Variants in PDK1 observed in about 807,000 individuals in gnomAD.
PDK1 encodes the protein [Pyruvate dehydrogenase (acetyl-transferring)] kinase isozyme 1, mitochondrial.
In PDK1, 39 loss-of-function variants were observed where a neutral mutation model predicts 54.2. The ratio of observed to expected loss-of-function variants is 0.72; its 90% CI spans 0.56 to 0.94. The LOEUF (loss-of-function observed/expected upper bound fraction) is 0.94, where lower values mean the gene tolerates loss of function less well. PDK1 is among the 40% of genes least tolerant of loss of function. The pLI is 0.00. For missense variants in PDK1, 552 were observed against 566.0 expected, an observed-to-expected ratio of 0.98 and a Z score of 0.25; for synonymous variants, 221 against 207.1, an observed-to-expected ratio of 1.07 and a Z score of -0.58.
chr2:172,568,796 C>A lies in PDK1; in HGVS notation c.825C>A (p.His275Gln). The change falls in exon 7 of 11, where the codon CAC becomes CAA. Residue 275 changes from histidine (H) to glutamine (Q), a missense_variant. By Grantham distance (24) the His-to-Gln change is conservative. Coordinates refer to ENST00000282077, the MANE Select transcript of PDK1 (RefSeq NM_002610.5). ...QVVYVPSHLY[H>Q]MVFELFKNAM... is the part of the protein sequence containing the mutation. ...TTTATGTACCATCCCATCTCTATCA[C>A]ATGGTGTTTGAACTTTTCAAGGTTT... 1 of 1,602,642 alleles carries A rather than the reference C, an allele frequency of 6.2e-7. No individual in the cohort carries two copies. Among genetic ancestry groups the A allele is most frequent in the Non-Finnish European group, 8.6e-7 (1 of 1,169,490 alleles).
chr2:172,601,242 G>A lies in PDK1; in HGVS notation c.*5273G>A, dbSNP rs917342864. ...GTAACCAGTGCAAAACTAGCAAAAGGATGAAATACACAAGAAAATGAGAGA... is the reference window on the plus strand; with the variant it reads ...GTAACCAGTGCAAAACTAGCAAAAGAATGAAATACACAAGAAAATGAGAGA... On this transcript the variant is annotated 3_prime_UTR_variant, in exon 11 of 11. Coordinates refer to ENST00000282077, the MANE Select transcript of PDK1 (RefSeq NM_002610.5). 2 of 152,026 alleles carry A rather than the reference G, an allele frequency of 1.3e-5. No homozygotes were observed. The highest frequency in any genetic ancestry group is 2.4e-5 in the African/African-American group (1 of 41,380). The allele number at this position is 152,026 out of a possible 1,614,324, so 9.4% of individuals were successfully genotyped here. A position where few individuals can be genotyped will look rare whatever the true frequency, so the allele number is the denominator to read the frequency against.
chr2:172,584,760 T>A (rs942099311), intron 8 of PDK1, among the ~76,000 whole-genome samples: 2 of 150,226 alleles, frequency 1.3e-5, no homozygotes, highest in Non-Finnish European at 3.0e-5. Flanking sequence ...GCTGAAGTGA[T>A]CCTCCTGCCT....
the PDK1 span, among the ~76,000 whole-genome samples, chr2:172,635,887 T>C: frequency 6.6e-6 from 1 of 152,350 alleles, no homozygotes; most frequent in Middle Eastern, 3.4e-3. Flanking sequence ...GAATTATTCA[T>C]ACTAGCCAAT....
At position 172,592,848 on chromosome 2, in the gene PDK1, C is replaced by T. The variant is rs1053188283; in HGVS notation, c.1057-87C>T. The T allele has an allele frequency of 6.3e-5, 43 of 687,258 alleles. No homozygotes were observed. The East Asian group carries it at 6.8e-4, about 11-fold the overall frequency. The allele number at this position is 687,258 out of a possible 1,614,324, so 42.6% of individuals were successfully genotyped here. On this transcript the variant is annotated intron_variant, in intron 9 of 10. Transcript: ENST00000282077. ...TCTCAGATGCGGGCTCTGATAGCCC[C>T]GTGGTACTCAATGGCATCTATCTTA...
At chr2:172,559,167 T>A (rs1688522062) in intron 2 of PDK1, among the ~76,000 whole-genome samples, 1 of 152,158 alleles carries the variant, frequency 6.6e-6, no homozygotes, top group Non-Finnish European at 1.5e-5. Context: ...CAGGATGATC[T>A]CGGTCTCCTG....
chr2:172,565,752 T>C (rs1688903290), intron 5 of PDK1, among the ~76,000 whole-genome samples: 1 of 152,256 alleles, frequency 6.6e-6, no homozygotes, highest in Non-Finnish European at 1.5e-5. Flanking sequence ...TTGATGTTGG[T>C]CTTACATTGT....
the PDK1 span, among the ~76,000 whole-genome samples, chr2:172,659,661 T>A: frequency 6.6e-6 from 1 of 152,200 alleles, no homozygotes; most frequent in East Asian, 1.9e-4. Flanking sequence ...GAATCAATCG[T>A]GAGGAAAGCA....
chr2:172,668,542 C>G, the PDK1 span, among the ~76,000 whole-genome samples: 1 of 151,380 alleles, frequency 6.6e-6, no homozygotes, highest in Non-Finnish European at 1.5e-5. Flanking sequence ...GGGTATGTGT[C>G]TAAAATGTTA....
At chr2:172,626,081 G>A in the PDK1 span, among the ~76,000 whole-genome samples, 1 of 151,972 alleles carries the variant, frequency 6.6e-6, no homozygotes, top group African/African-American at 2.4e-5. Flanking sequence ...TTCTTTCCTT[G>A]GCTTGGGAGA....
the PDK1 span, among the ~76,000 whole-genome samples, chr2:172,660,179 AGG>A: frequency 0.15 from 21,598 of 146,850 alleles, 1,749 homozygotes; most frequent in South Asian, 0.24. Flanking sequence ...AACAGATTAA[AGG>A]GGATGGTTTG....
chr2:172,718,614 T>C, the PDK1 span, among the ~76,000 whole-genome samples: 189 of 152,314 alleles, frequency 1.2e-3, 1 homozygote, highest in Non-Finnish European at 2.4e-3. Context: ...GCAAACAGAA[T>C]ATGTTGAGTG....
At chr2:172,581,444 AG>A (rs1236095918) in intron 8 of PDK1, among the ~76,000 whole-genome samples, 2 of 152,218 alleles carry the variant, frequency 1.3e-5, no homozygotes, top group Non-Finnish European at 2.9e-5. Flanking sequence ...AGGCTTGTAA[AG>A]GTCTCAAAAA....
At chr2:172,557,610 CGTGTGTGTGTGTGTGT>C (rs55753852) in intron 1 of PDK1, among the ~76,000 whole-genome samples, 13 of 141,938 alleles carry the variant, frequency 9.2e-5, no homozygotes, top group African/African-American at 1.6e-4. Context: ...TCTTTTTTCC[CGTGTGTGTGTGTGTGT>C]GTGTGTGTGT....
rs566405904 is a variant in PDK1 at position 172,582,757 on chromosome 2, C to T, written c.946-3521C>T. On this transcript the variant is annotated intron_variant, in intron 8 of 10. Coordinates refer to ENST00000282077, the MANE Select transcript of PDK1 (RefSeq NM_002610.5). ...ACTGCTCTTTTGGAAACTCTTTTGCCTACTTTAAAATCCACTGGCTCCAGT... is the reference window on the plus strand; with the variant it reads ...ACTGCTCTTTTGGAAACTCTTTTGCTTACTTTAAAATCCACTGGCTCCAGT... 2.6e-5 allele frequency among the ~76,000 whole-genome samples: 4 copies of T among 152,286 alleles called. No homozygotes were observed. The South Asian group carries it at 6.2e-4, about 24-fold the overall frequency.
At chr2:172,705,451 C>G in the PDK1 span, among the ~76,000 whole-genome samples, 1 of 152,220 alleles carries the variant, frequency 6.6e-6, no homozygotes, top group South Asian at 2.1e-4. Context: ...GTGAAACTCT[C>G]TCTATTCTGC....
At chr2:172,658,880 G>T in the PDK1 span, among the ~76,000 whole-genome samples, 2 of 152,168 alleles carry the variant, frequency 1.3e-5, no homozygotes, top group Non-Finnish European at 2.9e-5. Flanking sequence ...TGTTTATCAA[G>T]ACAATATGTG....
chr2:172,624,797 A>G, the PDK1 span, among the ~76,000 whole-genome samples: 3 of 152,072 alleles, frequency 2.0e-5, no homozygotes, highest in Non-Finnish European at 4.4e-5. Flanking sequence ...TCAGGAGTTC[A>G]AGACCAGCCT....
the PDK1 span, chr2:172,723,931 G>A: frequency 1.3e-5 from 2 of 152,146 alleles, no homozygotes; most frequent in Non-Finnish European, 2.9e-5. Flanking sequence ...CAACTTTCCT[G>A]TAGGTTTAAA....
chr2:172,575,153 G>A (rs1443058225), intron 8 of PDK1, among the ~76,000 whole-genome samples: 1 of 152,142 alleles, frequency 6.6e-6, no homozygotes, highest in African/African-American at 2.4e-5. Context: ...ATTAAGTAGT[G>A]TATTACATTG....
Sources: gnomAD v4.1 joint callset for allele counts (sites outside exome capture counted in the v4.1 genomes callset) on GRCh38, gnomAD v4.1.1 for gene constraint, MANE v1.5 for transcripts, NCBI Gene and HGNC (gene_info 2026-07-23, HGNC 2026-07-21) for gene names.